The following MTMR7 variants were observed in gnomAD, a reference collection of about 807,000 sequenced individuals.
MTMR7 encodes the protein phosphatidylinositol-3-phosphate phosphatase MTMR7.
A neutral mutation model predicts 81.2 loss-of-function variants in MTMR7; 76 were observed. The observed-to-expected ratio is 0.94, with a 90% CI of 0.78 to 1.13. MTMR7 has a LOEUF of 1.13. MTMR7 is among the 50% of genes most tolerant of loss of function. MTMR7 has a pLI of 0.00. For synonymous variants in MTMR7, 372 were observed against 289.8 expected (o/e 1.28, Z -2.88); for missense variants, 1,044 against 820.0 (o/e 1.27, Z -3.34).
chr8:17,311,302 A>G lies in MTMR7; in HGVS notation c.1101+209T>C, dbSNP rs554322255. On this transcript the variant is annotated intron_variant, in intron 9 of 13. Coordinates refer to ENST00000180173, the MANE Select transcript of MTMR7 (RefSeq NM_004686.5). ...GTAGCATTGACTTGAAATGGTTTCA[A>G]TATCCCAGAAATTCATCTCTTTATT... Among the ~76,000 whole-genome samples, 7 of 152,318 alleles carry G rather than the reference A, an allele frequency of 4.6e-5. No individual in the cohort carries two copies. The South Asian group carries it at 1.5e-3, about 32-fold the overall frequency.
chr8:17,375,397 T>C (rs1398765432), intron 1 of MTMR7, among the ~76,000 whole-genome samples: 1 of 152,254 alleles, frequency 6.6e-6, no homozygotes, highest in South Asian at 2.1e-4. Context: ...TCTGGAGCAT[T>C]GTGAAATTCC....
chr8:17,381,275 C>T (rs546839329), intron 1 of MTMR7, among the ~76,000 whole-genome samples: 1 of 152,148 alleles, frequency 6.6e-6, no homozygotes, highest in South Asian at 2.1e-4. Context: ...CCCTGGGCCC[C>T]ACCACCGCAC....
At chr8:17,330,784 T>A (rs1818960430) in intron 7 of MTMR7, among the ~76,000 whole-genome samples, 1 of 152,178 alleles carries the variant, frequency 6.6e-6, no homozygotes. Context: ...TTGAGCCTGA[T>A]CTCCATACAA....
chr8:17,371,507 G>C (rs938857234), intron 2 of MTMR7, among the ~76,000 whole-genome samples: 1 of 152,144 alleles, frequency 6.6e-6, no homozygotes, highest in Non-Finnish European at 1.5e-5. Context: ...TATTGAATGC[G>C]CTTAATAGCT....
intron 4 of MTMR7, among the ~76,000 whole-genome samples, chr8:17,353,109 G>C (rs1352035148): frequency 6.6e-6 from 1 of 152,172 alleles, no homozygotes; most frequent in Non-Finnish European, 1.5e-5. Context: ...ATATTATTCA[G>C]CCCTAAAAAG....
chr8:17,407,109 G>T (rs1057356775), intron 1 of MTMR7, among the ~76,000 whole-genome samples: 3 of 152,022 alleles, frequency 2.0e-5, no homozygotes, highest in African/African-American at 7.2e-5. Context: ...TAAATTTTAT[G>T]CTAGGTAAAT....
rs776791101 is a variant in MTMR7, at chr8:17,302,204, C to T, written c.1570G>A (p.Val524Met). The change falls in exon 13 of 14, where the codon GTG (valine) becomes ATG (methionine). Residue 524 changes from valine (V) to methionine (M), a missense_variant. Physicochemically the swap from Val to Met is conservative, Grantham distance 21 (BLOSUM62 1). Coordinates refer to ENST00000180173, the MANE Select transcript of MTMR7 (RefSeq NM_004686.5). The stretch of plus-strand genomic sequence containing the variant: ...TCTAGCTGCTGAGTTTCTTCCTTCA[C>T]TGCCATTAGGTAATCTGTAACTGAC... ...RQSVTDYLMA[V>M]KEETQQLEEE... is the part of the protein sequence containing the mutation. 1.3e-5 allele frequency: 21 copies of T among 1,614,022 alleles called. No individual in the cohort carries two copies. The East Asian group carries it at 4.2e-4, about 33-fold the overall frequency.
chr8:17,399,943 A>G (rs1431805767), intron 1 of MTMR7, among the ~76,000 whole-genome samples: 3 of 151,212 alleles, frequency 2.0e-5, no homozygotes, highest in Non-Finnish European at 4.4e-5. Context: ...CTATCACCTG[A>G]GATTAAATTT....
chr8:17,380,043 G>A (rs529910264), intron 1 of MTMR7, among the ~76,000 whole-genome samples: 8 of 152,162 alleles, frequency 5.3e-5, no homozygotes, highest in South Asian at 4.2e-4. Flanking sequence ...ACACATAAAC[G>A]GATGGTGAGT....
intron 7 of MTMR7, among the ~76,000 whole-genome samples, chr8:17,313,825 C>T (rs1319113319): frequency 6.6e-6 from 1 of 152,098 alleles, no homozygotes; most frequent in Non-Finnish European, 1.5e-5. Flanking sequence ...TTTCTGTCAC[C>T]CAACCACTTC....
chr8:17,397,698 T>C (rs905252574), intron 1 of MTMR7, among the ~76,000 whole-genome samples: 4 of 152,118 alleles, frequency 2.6e-5, no homozygotes, highest in African/African-American at 9.7e-5. Flanking sequence ...CACCTGCTAA[T>C]GGTGGAGCCC....
intron 11 of MTMR7, among the ~76,000 whole-genome samples, chr8:17,305,012 T>A (rs951266847): frequency 2.6e-5 from 4 of 152,150 alleles, no homozygotes; most frequent in Admixed American, 2.6e-4. Context: ...TAGAATTGGC[T>A]AGTCAGGTAC....
intron 1 of MTMR7, among the ~76,000 whole-genome samples, chr8:17,406,169 A>G (rs1439972874): frequency 2.0e-5 from 3 of 152,222 alleles, no homozygotes; most frequent in African/African-American, 7.2e-5. Flanking sequence ...ATCAAAATTC[A>G]AAACTTCTTG....
At chr8:17,325,780 T>A (rs911375430) in intron 7 of MTMR7, among the ~76,000 whole-genome samples, 3 of 152,192 alleles carry the variant, frequency 2.0e-5, no homozygotes, top group African/African-American at 4.8e-5. Context: ...GAAACTGTGC[T>A]CTTACTTCAT....
intron 5 of MTMR7, among the ~76,000 whole-genome samples, chr8:17,342,170 G>C (rs920989057): frequency 1.3e-5 from 2 of 152,194 alleles, no homozygotes; most frequent in Non-Finnish European, 2.9e-5. Flanking sequence ...TGCACTGTCA[G>C]ATGACATCTA....
Position 17,361,346 on chromosome 8 carries a change from C to A in MTMR7, c.311-72G>T, listed in dbSNP as rs116419493. On this transcript the variant is annotated intron_variant, in intron 3 of 13. Coordinates refer to ENST00000180173, the MANE Select transcript of MTMR7 (RefSeq NM_004686.5). The stretch of plus-strand genomic sequence containing the variant: ...AGAGCCAAATCTCCCCGAAAACATT[C>A]TGTCCCACCTGGAGTGCCCAGAGAG... 1.4e-4 allele frequency: 219 copies of A among 1,562,144 alleles called. No individual in the cohort carries two copies. The African/African-American group carries it at 2.6e-3, about 19-fold the overall frequency.
intron 1 of MTMR7, among the ~76,000 whole-genome samples, chr8:17,409,445 C>A (rs1196369900): frequency 6.6e-6 from 1 of 152,098 alleles, no homozygotes; most frequent in African/African-American, 2.4e-5. Flanking sequence ...GCCTGGGCCA[C>A]AGAGCAAGAC....
Position 17,311,693 on chromosome 8 carries a change from C to T in MTMR7, c.976-57G>A, listed in dbSNP as rs918738833. On this transcript the variant is annotated intron_variant, in intron 8 of 13. Transcript: ENST00000180173. The stretch of plus-strand genomic sequence containing the variant: ...AAGAATGGCTGTAAAAAGGCAGAAC[C>T]TCTCATCACAGCCAGGTTTGACTGT... The T allele has an allele frequency of 3.1e-6, 5 of 1,610,526 alleles. No homozygotes were observed. The African/African-American group carries it at 5.3e-5, about 17-fold the overall frequency.
Position 17,299,542 on chromosome 8 carries a change from A to C in MTMR7, c.*320T>G, listed in dbSNP as rs148148752. On this transcript the variant is annotated 3_prime_UTR_variant, in exon 14 of 14. Coordinates refer to ENST00000180173, the MANE Select transcript of MTMR7 (RefSeq NM_004686.5). Reference sequence around the variant, plus strand: ...GGAGTGGAGGCTTTTTGAGAGATGCATGCTATGACAAGGAAGATAGATACT... The same window carrying C: ...GGAGTGGAGGCTTTTTGAGAGATGCCTGCTATGACAAGGAAGATAGATACT... The C allele has an allele frequency of 4.3e-6, 1 of 235,018 alleles. No individual in the cohort carries two copies. Among genetic ancestry groups the C allele is most frequent in the African/African-American group, 2.2e-5 (1 of 44,758 alleles). 14.6% of individuals were successfully genotyped at this position (235,018 alleles called of 1,614,324 possible). A position where few individuals can be genotyped will look rare whatever the true frequency, so the allele number is the denominator to read the frequency against.
Sources: allele counts gnomAD v4.1 joint callset (sites outside exome capture counted in the v4.1 genomes callset), GRCh38; gene constraint gnomAD v4.1.1; transcripts MANE v1.5; gene names NCBI Gene and HGNC (gene_info 2026-07-23, HGNC 2026-07-21).